PHF2: variants seen among roughly 807,000 people sequenced by gnomAD.
PHF2 encodes PHD finger protein 2, also known as lysine-specific demethylase PHF2.
PHF2 carries 27 observed loss-of-function variants against 120.5 expected under a neutral mutation model. The observed-to-expected ratio is 0.22, with a 90% CI of 0.17 to 0.31. The LOEUF (loss-of-function observed/expected upper bound fraction) is 0.31, where lower values mean the gene tolerates loss of function less well. Ranked by LOEUF, PHF2 falls within the 10% of genes least tolerant of loss-of-function variation. The probability of loss-of-function intolerance (pLI) is 1.00; values close to 1 mark genes in which losing one functional copy is unlikely to be tolerated. For synonymous variants in PHF2, 568 were observed against 592.5 expected (o/e 0.96, Z 0.60); for missense variants, 1,024 against 1,434.8 (o/e 0.71, Z 4.63).
intron 1 of PHF2, among the ~76,000 whole-genome samples, chr9:93,588,668 G>T (rs1863108950): frequency 6.6e-6 from 1 of 152,144 alleles, no homozygotes; most frequent in Admixed American, 6.5e-5. Flanking sequence ...GAGGCAGGCG[G>T]ATCACAAGGT....
intron 16 of PHF2, among the ~76,000 whole-genome samples, 190 bp downstream of exon 16, chr9:93,666,250 ATC>A (rs1470660400): frequency 1.3e-5 from 2 of 152,058 alleles, no homozygotes; most frequent in Non-Finnish European, 2.9e-5. Flanking sequence ...CACAGTGGTC[ATC>A]TCTGCCTGGG....
chr9:93,609,690 A>G (rs1377733282), intron 1 of PHF2, among the ~76,000 whole-genome samples: 1 of 150,792 alleles, frequency 6.6e-6, no homozygotes, highest in East Asian at 2.0e-4. Flanking sequence ...ATTCCCTGAC[A>G]TTTTTCTTTT....
chr9:93,654,820 C>T (rs1291835954), intron 7 of PHF2, among the ~76,000 whole-genome samples: 5 of 152,300 alleles, frequency 3.3e-5, no homozygotes, highest in South Asian at 2.1e-4. Flanking sequence ...TGTGTTGTCT[C>T]GTCAGCATGG....
At chr9:93,615,150 GGTGATGATGATGGTGATGGTGATAGTA>G (rs1825705306) in intron 1 of PHF2, among the ~76,000 whole-genome samples, 1 of 147,298 alleles carries the variant, frequency 6.8e-6, no homozygotes, top group Admixed American at 6.8e-5. Flanking sequence ...TGATAGTAAT[GGTGATGATGATGGTGATGGTGATAGTA>G]ATGGTGATGG....
chr9:93,667,048 C>T, intron 16 of PHF2, 32 bp from the exon 17 acceptor site: 1 of 1,589,252 alleles, frequency 6.3e-7, no homozygotes, highest in African/African-American at 1.4e-5. Context: ...CCAGACCCTC[C>T]CCTGACCGAA....
intron 17 of PHF2, among the ~76,000 whole-genome samples, chr9:93,667,807 G>A (rs1826710237): frequency 6.6e-6 from 1 of 152,126 alleles, no homozygotes; most frequent in Non-Finnish European, 1.5e-5. Flanking sequence ...GTCCTGGGGG[G>A]TTGACTAATG....
Position 93,677,744 on chromosome 9 carries a change from C to T in PHF2, c.*68C>T. On this transcript the variant is annotated 3_prime_UTR_variant, in exon 22 of 22. Coordinates refer to ENST00000359246, the MANE Select transcript of PHF2 (RefSeq NM_005392.4). This position sits in a 1 kb window ranked among gnomAD's most constrained non-coding sequence, Gnocchi z 4.4. ...GGAGCCCCGCGAAAACATCTGCCTC[C>T]CAGGAGGGTGCCGAGCTGCCTCACC... The T allele has an allele frequency of 8.1e-7, 1 of 1,235,718 alleles. No individual in the cohort carries two copies. The highest frequency in any genetic ancestry group is 2.3e-5 in the East Asian group (1 of 42,724). The allele number at this position is 1,235,718 out of a possible 1,614,324, so 76.5% of individuals were successfully genotyped here. A position where few individuals can be genotyped will look rare whatever the true frequency, so the allele number is the denominator to read the frequency against.
Position 93,643,487 on chromosome 9 carries a change from C to T in PHF2, c.300-2142C>T, listed in dbSNP as rs147929892. On this transcript the variant is annotated intron_variant, in intron 3 of 21. Transcript: ENST00000359246. ...ACCGTCTAGTCCCCCCTGGTTTATC[C>T]TTAACGCTATTCCCATGTGATCAAA... Among the ~76,000 whole-genome samples the T allele has an allele frequency of 2.1e-4, 32 of 152,336 alleles. No individual in the cohort carries two copies. In the East Asian group the frequency reaches 6.2e-3, roughly 29 times the overall value.
intron 1 of PHF2, among the ~76,000 whole-genome samples, chr9:93,591,800 A>T (rs1271428008): frequency 2.0e-5 from 3 of 152,152 alleles, no homozygotes; most frequent in Non-Finnish European, 4.4e-5. Flanking sequence ...GAAGCCCGAG[A>T]GAGCATCTGT....
Position 93,624,210 on chromosome 9 carries a change from C to T in PHF2, c.99-5760C>T, listed in dbSNP as rs140635738. Reference sequence around the variant, plus strand: ...TGCTCTTAGAGTTCTTAGCATGCTGCGTGTCTCAGAGTGAGTGCTCAGCCA... The same window carrying T: ...TGCTCTTAGAGTTCTTAGCATGCTGTGTGTCTCAGAGTGAGTGCTCAGCCA... On this transcript the variant is annotated intron_variant, in intron 1 of 21. Transcript: ENST00000359246. 2.8e-4 allele frequency among the ~76,000 whole-genome samples: 42 copies of T among 152,258 alleles called. 2 individuals carry two copies. The East Asian group carries it at 5.4e-3, about 20-fold the overall frequency.
intron 1 of PHF2, among the ~76,000 whole-genome samples, chr9:93,590,350 C>T (rs184557470): frequency 2.5e-3 from 386 of 152,226 alleles, no homozygotes; most frequent in African/African-American, 9.0e-3. Context: ...GCAGGTTTTC[C>T]CTGAGAAGTA....
chr9:93,583,738 C>T (rs1862977092), intron 1 of PHF2, among the ~76,000 whole-genome samples: 1 of 152,088 alleles, frequency 6.6e-6, no homozygotes, highest in African/African-American at 2.4e-5. Context: ...GGCCTTTGCC[C>T]ACTTTTACAT....
chr9:93,660,020 G>A (rs1369271150), intron 11 of PHF2, among the ~76,000 whole-genome samples, 172 bp from the exon 12 acceptor site: 1 of 152,158 alleles, frequency 6.6e-6, no homozygotes, highest in Non-Finnish European at 1.5e-5. Context: ...TCACACAATA[G>A]CATGGGTTGG....
Position 93,656,439 on chromosome 9 carries a change from C to T in PHF2, c.1041-50C>T, listed in dbSNP as rs756183926. The stretch of plus-strand genomic sequence containing the variant: ...TGGGGCCTGGATTGATGCCCAGCGT[C>T]GCCTGCTTGATGGTCAGTGCACTGA... On this transcript the variant is annotated intron_variant, in intron 8 of 21. Transcript: ENST00000359246. This position sits in a 1 kb window ranked among gnomAD's most constrained non-coding sequence, Gnocchi z 4.1. 10 of 1,297,366 alleles carry T rather than the reference C, an allele frequency of 7.7e-6. No individual in the cohort carries two copies. Among genetic ancestry groups the T allele is most frequent in the Admixed American group, 3.4e-5 (2 of 59,282 alleles). The allele number at this position is 1,297,366 out of a possible 1,614,324, so 80.4% of individuals were successfully genotyped here. A position where few individuals can be genotyped will look rare whatever the true frequency, so the allele number is the denominator to read the frequency against.
chr9:93,593,084 C>CAAAAAAAAAAAAAAAAA (rs200919035), intron 1 of PHF2, among the ~76,000 whole-genome samples: 2 of 83,378 alleles, frequency 2.4e-5, no homozygotes, highest in African/African-American at 5.6e-5. Context: ...TCCTTTATGC[C>CAAAAAAAAAAAAAAAAA]AAAAAAAAAA....
At position 93,656,038 on chromosome 9, in the gene PHF2, T is replaced by C. The variant is rs1390110936; in HGVS notation, c.1040+17T>C. The C allele has an allele frequency of 5.6e-6, 9 of 1,605,370 alleles. No individual in the cohort carries two copies. The African/African-American group carries it at 9.4e-5, about 17-fold the overall frequency. On this transcript the variant is annotated intron_variant, in intron 8 of 21. Transcript: ENST00000359246. This position sits in a 1 kb window ranked among gnomAD's most constrained non-coding sequence, Gnocchi z 4.1. ...GCAGATGAGGTAGTGCCTGCCGCGC[T>C]GTCTGCCCTCGGGCTCCGCAGAGCA...
chr9:93,588,620 G>A (rs1034669960), intron 1 of PHF2, among the ~76,000 whole-genome samples: 3 of 152,158 alleles, frequency 2.0e-5, no homozygotes, highest in Admixed American at 6.5e-5. Flanking sequence ...GGCTGGGCAC[G>A]GTGGCTCACA....
chr9:93,600,790 A>G (rs561519044), intron 1 of PHF2, among the ~76,000 whole-genome samples: 4 of 151,988 alleles, frequency 2.6e-5, no homozygotes, highest in East Asian at 1.9e-4. Context: ...CTGCTGCGCT[A>G]TGGGGAGGCC....
At chr9:93,651,254 A>C (rs1826365323) in intron 5 of PHF2, among the ~76,000 whole-genome samples, 1 of 152,152 alleles carries the variant, frequency 6.6e-6, no homozygotes, top group African/African-American at 2.4e-5. Context: ...CCATCAGCTT[A>C]ATTTACTGCC....
Sources: gnomAD v4.1 joint callset for allele counts (sites outside exome capture counted in the v4.1 genomes callset) on GRCh38, gnomAD v4.1.1 for gene constraint, Gnocchi (gnomAD v3.1) non-coding constraint, MANE v1.5 for transcripts, NCBI Gene and HGNC (gene_info 2026-07-23, HGNC 2026-07-21) for gene names.